CSMD1: variants seen among roughly 807,000 people sequenced by gnomAD.
CSMD1 encodes CUB and Sushi multiple domains 1.
Under a neutral mutation model 417.5 loss-of-function variants are expected in CSMD1, and 213 were observed. The ratio of observed to expected loss-of-function variants is 0.51; its 90% CI spans 0.46 to 0.57. CSMD1 has a LOEUF of 0.57. Among genes scored for constraint, CSMD1 ranks in the 20% least tolerant of loss-of-function variants. The pLI is 0.00. For synonymous variants in CSMD1, 2,862 were observed against 1,736.8 expected, an observed-to-expected ratio of 1.65 and a Z score of -16.11; for missense variants, 6,923 against 4,529.7, an observed-to-expected ratio of 1.53 and a Z score of -15.17.
intron 7 of CSMD1, among the ~76,000 whole-genome samples, chr8:3,660,069 T>A (rs1186418129): frequency 6.6e-6 from 1 of 152,238 alleles, no homozygotes; most frequent in South Asian, 2.1e-4. Flanking sequence ...CTATGAAGTA[T>A]AAAATAGAAA....
intron 5 of CSMD1, among the ~76,000 whole-genome samples, chr8:3,760,529 G>C (rs1584956073): frequency 1.3e-5 from 2 of 152,030 alleles, no homozygotes; most frequent in Admixed American, 6.5e-5. Context: ...ACCTCCCTCA[G>C]CCTCACTTTT....
At chr8:2,939,479 G>A (rs753901334) in intron 69 of CSMD1, among the ~76,000 whole-genome samples, 3 of 152,196 alleles carry the variant, frequency 2.0e-5, no homozygotes, top group East Asian at 1.9e-4. Flanking sequence ...TCTATGATTA[G>A]AGAATTAGAG....
chr8:4,410,022 C>A (rs929836664), intron 3 of CSMD1, among the ~76,000 whole-genome samples: 1 of 152,058 alleles, frequency 6.6e-6, no homozygotes, highest in Non-Finnish European at 1.5e-5. Flanking sequence ...CCATGTTGGC[C>A]AAGATGGTAT....
chr8:4,293,254 G>C (rs1178957954), intron 3 of CSMD1, among the ~76,000 whole-genome samples: 3 of 152,138 alleles, frequency 2.0e-5, no homozygotes, highest in African/African-American at 4.8e-5. Flanking sequence ...CAGAGTCGTG[G>C]AGAGACACAA....
chr8:3,239,826 A>G (rs1282244732), intron 26 of CSMD1, among the ~76,000 whole-genome samples: 1 of 152,146 alleles, frequency 6.6e-6, no homozygotes, highest in Non-Finnish European at 1.5e-5. Context: ...TGAATGTCAG[A>G]TGGATCAGAG....
In CSMD1 at chr8:3,640,724, T is replaced by C. The variant is rs545171528; in HGVS notation, c.1010-23927A>G. ...CTATAAACCAGTTGTGTAGAAACCATGTTGTCCCTGAAAAACATTCATTGT... is the reference window on the plus strand; with the variant it reads ...CTATAAACCAGTTGTGTAGAAACCACGTTGTCCCTGAAAAACATTCATTGT... On this transcript the variant is annotated intron_variant, in intron 7 of 69. Transcript: ENST00000635120. Among the ~76,000 whole-genome samples the C allele has an allele frequency of 3.3e-5, 5 of 152,322 alleles. No individual in the cohort carries two copies. The South Asian group carries it at 1.0e-3, about 32-fold the overall frequency.
intron 5 of CSMD1, among the ~76,000 whole-genome samples, chr8:3,841,916 T>C (rs910930955): frequency 1.3e-5 from 2 of 151,910 alleles, no homozygotes; most frequent in Non-Finnish European, 1.5e-5. Context: ...CATGGGATGA[T>C]CTTCCCCTAG....
chr8:3,095,887 A>G (rs1815260663), intron 47 of CSMD1, among the ~76,000 whole-genome samples: 2 of 152,204 alleles, frequency 1.3e-5, no homozygotes, highest in South Asian at 4.1e-4. Context: ...TTGCAAAAAA[A>G]TCATAAGACT....
chr8:4,098,697 G>A (rs1419528432), intron 3 of CSMD1, among the ~76,000 whole-genome samples: 1 of 152,160 alleles, frequency 6.6e-6, no homozygotes, highest in Admixed American at 6.6e-5. Context: ...TCTCATCTCT[G>A]TAGCACCTAC....
intron 4 of CSMD1, among the ~76,000 whole-genome samples, chr8:4,005,488 C>T (rs1308814473): frequency 2.0e-5 from 3 of 152,136 alleles, no homozygotes; most frequent in African/African-American, 7.2e-5. Flanking sequence ...TGAATTATCT[C>T]CAGTTTCAAA....
intron 11 of CSMD1, among the ~76,000 whole-genome samples, chr8:3,488,528 CTTACTA>C (rs1160832139): frequency 6.6e-6 from 1 of 152,154 alleles, no homozygotes; most frequent in African/African-American, 2.4e-5. Flanking sequence ...TATTAGCACT[CTTACTA>C]TTAATAATGT....
intron 3 of CSMD1, among the ~76,000 whole-genome samples, chr8:4,246,335 C>A (rs6995424): frequency 6.6e-6 from 1 of 152,042 alleles, no homozygotes. Flanking sequence ...CATCCACGTC[C>A]TTGCAAAGGA....
intron 5 of CSMD1, among the ~76,000 whole-genome samples, chr8:3,938,078 G>C (rs34326812): frequency 6.6e-6 from 1 of 151,900 alleles, no homozygotes; most frequent in African/African-American, 2.4e-5. Context: ...GGATTACACA[G>C]GATCGTGTAG....
chr8:4,926,823 C>G (rs1806901952), intron 1 of CSMD1, among the ~76,000 whole-genome samples: 1 of 152,070 alleles, frequency 6.6e-6, no homozygotes, highest in Non-Finnish European at 1.5e-5. Context: ...TGAATATCTA[C>G]CTAGAACTCC....
chr8:3,149,263 TG>T (rs1348002342), intron 40 of CSMD1, among the ~76,000 whole-genome samples: 1 of 152,202 alleles, frequency 6.6e-6, no homozygotes, highest in Non-Finnish European at 1.5e-5. Context: ...ATAGTAACAT[TG>T]GAAAAATAAG....
chr8:3,406,600 C>A (rs1467525575), intron 14 of CSMD1, among the ~76,000 whole-genome samples: 1 of 152,106 alleles, frequency 6.6e-6, no homozygotes, highest in Non-Finnish European at 1.5e-5. Flanking sequence ...TGACATTGGG[C>A]ATATGACTCT....
rs889476355 is a variant in CSMD1 at position 4,801,310 on chromosome 8, G to T, written c.86-163752C>A. Among the ~76,000 whole-genome samples, 3 of 152,216 alleles carry T rather than the reference G, an allele frequency of 2.0e-5. No homozygotes were observed. The East Asian group carries it at 5.8e-4, about 29-fold the overall frequency. ...ATGAAATATGAAGTATCACAGACAA[G>T]GAGGGTGGAAGTGGAAGATGTGAGC... On this transcript the variant is annotated intron_variant, in intron 1 of 69. Coordinates refer to ENST00000635120, the MANE Select transcript of CSMD1 (RefSeq NM_033225.6).
At chr8:4,808,418 G>A (rs367707829) in intron 1 of CSMD1, among the ~76,000 whole-genome samples, 9 of 152,106 alleles carry the variant, frequency 5.9e-5, no homozygotes, top group South Asian at 2.1e-4. Context: ...GGAAAAAGAC[G>A]GAAACATGGA....
intron 5 of CSMD1, among the ~76,000 whole-genome samples, chr8:3,815,375 C>G (rs1801313652): frequency 6.6e-6 from 1 of 152,030 alleles, no homozygotes; most frequent in African/African-American, 2.4e-5. Context: ...TGTGTTAAAA[C>G]TTACAGATGA....
Sources: allele counts gnomAD v4.1 joint callset (sites outside exome capture counted in the v4.1 genomes callset), GRCh38; gene constraint gnomAD v4.1.1; transcripts MANE v1.5; gene names NCBI Gene and HGNC (gene_info 2026-07-23, HGNC 2026-07-21).